Variants in COL24A1 observed in about 807,000 individuals in gnomAD.
The protein encoded by COL24A1 is collagen alpha-1(XXIV) chain.
In COL24A1, 224 loss-of-function variants were observed where a neutral mutation model predicts 253.9. The observed-to-expected ratio is 0.88, with a 90% CI of 0.79 to 0.99. COL24A1 has a LOEUF of 0.99. COL24A1 is among the 50% of genes least tolerant of loss of function. The pLI is 0.00. For synonymous variants in COL24A1, 685 were observed against 673.7 expected, an observed-to-expected ratio of 1.02 and a Z score of -0.26; for missense variants, 2,131 against 2,068.5, an observed-to-expected ratio of 1.03 and a Z score of -0.59.
At chr1:86,008,578 C>A (rs1237888695) in intron 19 of COL24A1, among the ~76,000 whole-genome samples, 2 of 152,254 alleles carry the variant, frequency 1.3e-5, no homozygotes, top group Non-Finnish European at 2.9e-5. Context: ...AATGTTTCCA[C>A]TAACACCAGG....
In COL24A1 at chr1:86,125,960, T is replaced by C. The variant is rs1178378340; in HGVS notation, c.376A>G (p.Arg126Gly). ...RVNNAFLFSI[R>G]NKNRLQLGVQ... ...CCTAATTGCAGTCTATTTTTATTTC[T>C]AATGCTGAAGAGAAATGCATTGTTC... Residue 126 changes from arginine to glycine, a missense_variant, in exon 3 of 60, where the codon AGA becomes GGA. Coordinates refer to ENST00000370571, the MANE Select transcript of COL24A1 (RefSeq NM_152890.7). 1 of 1,613,452 alleles carries C rather than the reference T, an allele frequency of 6.2e-7. No individual in the cohort carries two copies. Among genetic ancestry groups the C allele is most frequent in the African/African-American group, 1.3e-5 (1 of 74,882 alleles).
intron 24 of COL24A1, among the ~76,000 whole-genome samples, chr1:85,954,127 G>T (rs1690205517): frequency 6.6e-6 from 1 of 152,108 alleles, no homozygotes; most frequent in Non-Finnish European, 1.5e-5. Flanking sequence ...GTACTCTCTT[G>T]TTTATTACTC....
intron 2 of COL24A1, among the ~76,000 whole-genome samples, chr1:86,137,957 A>G (rs1572051320): frequency 6.6e-6 from 1 of 152,146 alleles, no homozygotes; most frequent in South Asian, 2.1e-4. Flanking sequence ...TTTCCATGGT[A>G]TAAGACACCT....
Position 85,842,062 on chromosome 1 carries a change from A to G in COL24A1, c.3570+6T>C. The stretch of plus-strand genomic sequence containing the variant: ...TTAAGATTAAAAAGCCAATATATAC[A>G]CAAACCTTTTCTCCTTTAGGTCCTG... On this transcript the variant is annotated splice_donor_region_variant and intron_variant, in intron 41 of 59. Coordinates refer to ENST00000370571, the MANE Select transcript of COL24A1 (RefSeq NM_152890.7). The G allele has an allele frequency of 1.9e-6, 3 of 1,612,910 alleles. No homozygotes were observed. In the South Asian group the frequency reaches 3.3e-5, roughly 18 times the overall value.
At chr1:85,804,573 G>A (rs1466200559) in intron 47 of COL24A1, among the ~76,000 whole-genome samples, 1 of 152,164 alleles carries the variant, frequency 6.6e-6, no homozygotes, top group Non-Finnish European at 1.5e-5. Context: ...TATGGTGGAA[G>A]GCAAGGAGGA....
At chr1:85,826,164 C>A (rs1037081931) in intron 43 of COL24A1, among the ~76,000 whole-genome samples, 1 of 140,670 alleles carries the variant, frequency 7.1e-6, no homozygotes, top group African/African-American at 2.5e-5. Flanking sequence ...TTTCCTAGCA[C>A]CATTTATGAA....
chr1:85,806,598 A>G (rs1468350575), intron 47 of COL24A1, among the ~76,000 whole-genome samples: 2 of 152,164 alleles, frequency 1.3e-5, no homozygotes, highest in Non-Finnish European at 2.9e-5. Context: ...CATTCTTCTT[A>G]TTTCTACTTT....
intron 50 of COL24A1, 92 bp downstream of exon 50, chr1:85,784,021 A>G (rs888678019): frequency 1.0e-6 from 1 of 1,002,512 alleles, no homozygotes; most frequent in Admixed American, 2.5e-5. Context: ...AATTTTACAG[A>G]TTTAAAAAAG....
intron 51 of COL24A1, 68 bp downstream of exon 51, chr1:85,783,428 A>G: frequency 7.9e-7 from 1 of 1,270,272 alleles, no homozygotes; most frequent in Middle Eastern, 1.9e-4. Context: ...CATTACATTT[A>G]GAGCTCTTAA....
intron 37 of COL24A1, among the ~76,000 whole-genome samples, chr1:85,868,314 C>T (rs1357136507): frequency 6.6e-6 from 1 of 152,136 alleles, no homozygotes; most frequent in Non-Finnish European, 1.5e-5. Context: ...AGTTACATGG[C>T]TTATGGAAAA....
chr1:86,129,514 T>C (rs1648832519), intron 2 of COL24A1, among the ~76,000 whole-genome samples: 1 of 151,836 alleles, frequency 6.6e-6, no homozygotes, highest in Admixed American at 6.6e-5. Flanking sequence ...ATTTTTCTTT[T>C]CTTGCTTGAT....
intron 12 of COL24A1, among the ~76,000 whole-genome samples, chr1:86,038,686 C>G (rs1477743402): frequency 6.6e-6 from 1 of 152,100 alleles, no homozygotes; most frequent in East Asian, 1.9e-4. Flanking sequence ...ACAGCTATCA[C>G]CTTGCTGTAG....
rs372036337 is a variant in COL24A1 at position 86,043,590 on chromosome 1, C to T, written c.1950+3235G>A. 4.6e-5 allele frequency among the ~76,000 whole-genome samples: 7 copies of T among 151,850 alleles called. No individual in the cohort carries two copies. In the South Asian group the frequency reaches 6.2e-4, roughly 14 times the overall value. On this transcript the variant is annotated intron_variant, in intron 12 of 59. Transcript: ENST00000370571. ...GTTGCCAGGCTGGAGTGCAGTGGCA[C>T]GCTCTCAGCTCACTGCAACCTCCGC...
At chr1:86,119,652 G>C (rs1009291124) in intron 3 of COL24A1, among the ~76,000 whole-genome samples, 2 of 152,106 alleles carry the variant, frequency 1.3e-5, no homozygotes, top group East Asian at 3.9e-4. Flanking sequence ...TGGTGTTTTA[G>C]GCAGCAATCT....
intron 8 of COL24A1, among the ~76,000 whole-genome samples, chr1:86,060,191 T>C (rs986607702): frequency 3.9e-5 from 6 of 152,136 alleles, no homozygotes. Context: ...TATAACTTTT[T>C]TTTTAAAAAA....
chr1:85,773,750 T>C (rs1018562567), intron 53 of COL24A1, among the ~76,000 whole-genome samples: 1 of 152,220 alleles, frequency 6.6e-6, no homozygotes, highest in African/African-American at 2.4e-5. Flanking sequence ...AAGTTGCTTA[T>C]CAGCTTAAGG....
intron 6 of COL24A1, among the ~76,000 whole-genome samples, chr1:86,090,079 G>C (rs527285567): frequency 7.5e-4 from 114 of 152,140 alleles, no homozygotes; most frequent in Non-Finnish European, 1.5e-3. Flanking sequence ...CCTCACCCCG[G>C]AGTAACGAGC....
chr1:85,989,142 A>C (rs1325378544), intron 19 of COL24A1, among the ~76,000 whole-genome samples: 3 of 151,880 alleles, frequency 2.0e-5, no homozygotes, highest in African/African-American at 7.3e-5. Flanking sequence ...TTTCTTGTGG[A>C]CTTGAATCAA....
intron 37 of COL24A1, among the ~76,000 whole-genome samples, chr1:85,859,972 C>T (rs1678952341): frequency 1.3e-5 from 2 of 151,966 alleles, no homozygotes. Flanking sequence ...CTATTTTATA[C>T]AATTTATATA....
Sources: allele counts gnomAD v4.1 joint callset (sites outside exome capture counted in the v4.1 genomes callset), GRCh38; gene constraint gnomAD v4.1.1; transcripts MANE v1.5; gene names NCBI Gene and HGNC (gene_info 2026-07-23, HGNC 2026-07-21).